GLDC: variants seen among roughly 807,000 people sequenced by gnomAD.
GLDC encodes glycine dehydrogenase (decarboxylating), mitochondrial.
GLDC carries 104 observed loss-of-function variants against 121.3 expected under a neutral mutation model. That is an observed-to-expected ratio of 0.86 (90% CI 0.73 to 1.01). The LOEUF (loss-of-function observed/expected upper bound fraction) is 1.01, where lower values mean the gene tolerates loss of function less well. Among genes scored for constraint, GLDC ranks in the 50% least tolerant of loss-of-function variants. GLDC has a pLI of 0.00. For missense variants in GLDC, 1,429 were observed against 1,306.6 expected (o/e 1.09, Z -1.44); for synonymous variants, 546 against 480.6 (o/e 1.14, Z -1.78).
intron 15 of GLDC, among the ~76,000 whole-genome samples, chr9:6,570,160 G>T (rs190654108): frequency 6.6e-6 from 1 of 152,274 alleles, no homozygotes; most frequent in African/African-American, 2.4e-5. Context: ...ATAATTTATG[G>T]TGAACACCAG....
At chr9:6,575,742 C>T (rs1167775892) in intron 15 of GLDC, among the ~76,000 whole-genome samples, 2 of 152,182 alleles carry the variant, frequency 1.3e-5, no homozygotes, top group Non-Finnish European at 2.9e-5. Flanking sequence ...CTTTACATAT[C>T]CATGGGAGGT....
At chr9:6,574,507 G>A (rs377163572) in intron 15 of GLDC, among the ~76,000 whole-genome samples, 37 of 151,736 alleles carry the variant, frequency 2.4e-4, no homozygotes, top group African/African-American at 8.0e-4. Context: ...GAAAAGAAAT[G>A]CAAATTCATA....
chr9:6,582,147 G>A (rs1274772451), intron 15 of GLDC, among the ~76,000 whole-genome samples: 4 of 149,326 alleles, frequency 2.7e-5, no homozygotes, highest in Non-Finnish European at 4.4e-5. Context: ...CCTGAGAGGC[G>A]GAGGTTGCAG....
At chr9:6,573,469 A>C (rs1002746306) in intron 15 of GLDC, among the ~76,000 whole-genome samples, 1 of 152,068 alleles carries the variant, frequency 6.6e-6, no homozygotes, top group African/African-American at 2.4e-5. Flanking sequence ...TTAAAAAATA[A>C]ATAAATAAAA....
At chr9:6,564,044 T>G (rs957739799) in intron 16 of GLDC, among the ~76,000 whole-genome samples, 6 of 152,002 alleles carry the variant, frequency 3.9e-5, no homozygotes, top group African/African-American at 1.5e-4. Context: ...GGTCAGGAGT[T>G]CGAGACTAGC....
At chr9:6,616,914 G>A (rs1400419907) in intron 3 of GLDC, among the ~76,000 whole-genome samples, 1 of 152,184 alleles carries the variant, frequency 6.6e-6, no homozygotes, top group Middle Eastern at 3.2e-3. Flanking sequence ...TTTTAATCCT[G>A]CTGACAAAAA....
At chr9:6,537,429 G>A (rs758427367) in intron 22 of GLDC, among the ~76,000 whole-genome samples, 3 of 152,136 alleles carry the variant, frequency 2.0e-5, no homozygotes, top group Non-Finnish European at 4.4e-5. Context: ...TTATTACATG[G>A]AGTACTTTAA....
At chr9:6,533,650 G>A (rs541292516) in intron 24 of GLDC, among the ~76,000 whole-genome samples, 11 of 152,112 alleles carry the variant, frequency 7.2e-5, no homozygotes, top group African/African-American at 2.7e-4. Context: ...GCTGAGGTCA[G>A]AGGTTCGAGA....
At chr9:6,614,178 T>C (rs763210887) in intron 3 of GLDC, among the ~76,000 whole-genome samples, 5 of 152,188 alleles carry the variant, frequency 3.3e-5, no homozygotes, top group Non-Finnish European at 5.9e-5. Flanking sequence ...ACTACAGTGA[T>C]TCACAGATAT....
At chr9:6,556,803 A>AAG (rs1817642457) in intron 17 of GLDC, among the ~76,000 whole-genome samples, 1 of 151,930 alleles carries the variant, frequency 6.6e-6, no homozygotes. Flanking sequence ...CAAAAAAAAA[A>AAG]AAGAAAAAAG....
At chr9:6,619,035 C>G (rs547749981) in intron 3 of GLDC, among the ~76,000 whole-genome samples, 1 of 150,346 alleles carries the variant, frequency 6.7e-6, no homozygotes, top group East Asian at 2.0e-4. Context: ...CCCAGCTACT[C>G]GGGAGGCTGA....
rs1817685299 is a variant in GLDC, at chr9:6,558,672, G to A, written c.1939C>T (p.Pro647Ser). Residue 647 changes from proline (P) to serine (S), a missense_variant, in exon 17 of 25, where the codon CCG becomes TCG. By Grantham distance (74) the Pro-to-Ser change is moderately conservative. Coordinates refer to ENST00000321612, the MANE Select transcript of GLDC (RefSeq NM_000170.3). ...GGGTTGGTCCCATGTGCTGATTTCG[G>A]AATGAGGCAAACCTACAGAATAGAA... ...GEGHRTVCLI[P>S]KSAHGTNPAS... 6.2e-7 allele frequency: 1 copy of A among 1,614,180 alleles called. No homozygotes were observed. The highest frequency in any genetic ancestry group is 8.5e-7 in the Non-Finnish European group (1 of 1,180,032).
intron 2 of GLDC, among the ~76,000 whole-genome samples, chr9:6,631,096 G>C (rs1819366980): frequency 6.6e-6 from 1 of 152,194 alleles, no homozygotes; most frequent in African/African-American, 2.4e-5. Context: ...CACGTGTAAG[G>C]ATATGGTCAG....
intron 22 of GLDC, 145 bp downstream of exon 22, chr9:6,539,906 T>C (rs1587911853): frequency 1.5e-6 from 1 of 686,564 alleles, no homozygotes; most frequent in East Asian, 2.7e-5. Context: ...CTTTTTTCTC[T>C]ATTATTTTGG....
At position 6,554,668 on chromosome 9, in the gene GLDC, C is replaced by A. The variant is rs1252460597; in HGVS notation, c.2315+1G>T. ...CCTGAAACCAGCAGCCCAGAACTTA[C>A]ACTCCGATGGGCCCCATGCCAGGAC... On this transcript the variant is annotated splice_donor_variant, in intron 19 of 24. Coordinates refer to ENST00000321612, the MANE Select transcript of GLDC (RefSeq NM_000170.3). LOFTEE classifies it high-confidence loss of function. 1 of 1,603,658 alleles carries A rather than the reference C, an allele frequency of 6.2e-7. No homozygotes were observed. The highest frequency in any genetic ancestry group is 1.3e-5 in the African/African-American group (1 of 74,732).
intron 21 of GLDC, chr9:6,540,922 T>G (rs548868007): frequency 2.6e-5 from 4 of 152,280 alleles, no homozygotes; most frequent in African/African-American, 9.6e-5. Context: ...TTTGGGAGGC[T>G]GAGGTGGGCA....
chr9:6,610,726 A>G (rs931789669), intron 3 of GLDC, among the ~76,000 whole-genome samples: 5 of 152,160 alleles, frequency 3.3e-5, no homozygotes, highest in African/African-American at 1.2e-4. Flanking sequence ...AAGTCTCCAA[A>G]GTGGCTGGGA....
intron 15 of GLDC, among the ~76,000 whole-genome samples, chr9:6,571,059 G>T (rs1817956180): frequency 6.6e-6 from 1 of 151,672 alleles, no homozygotes. Flanking sequence ...GTAACATTTA[G>T]AAGCTAAAAT....
chr9:6,629,960 T>TATATATATGTATACA (rs1819341242), intron 2 of GLDC, among the ~76,000 whole-genome samples: 1 of 133,046 alleles, frequency 7.5e-6, no homozygotes, highest in Non-Finnish European at 1.5e-5. Flanking sequence ...TATATATATT[T>TATATATATGTATACA]TTTTTTTTTA....
Sources: allele counts gnomAD v4.1 joint callset (sites outside exome capture counted in the v4.1 genomes callset), GRCh38; gene constraint gnomAD v4.1.1; transcripts MANE v1.5; gene names NCBI Gene and HGNC (gene_info 2026-07-23, HGNC 2026-07-21).